NPAS3: variants seen among roughly 807,000 people sequenced by gnomAD.
The protein encoded by NPAS3 is neuronal PAS domain-containing protein 3.
A neutral mutation model predicts 73.1 loss-of-function variants in NPAS3; 14 were observed. The observed-to-expected ratio is 0.19, with a 90% CI of 0.13 to 0.30. The LOEUF (loss-of-function observed/expected upper bound fraction) is 0.30. Among genes scored for constraint, NPAS3 ranks in the 10% least tolerant of loss-of-function variants. The probability of loss-of-function intolerance (pLI) is 1.00; values close to 1 mark genes in which losing one functional copy is unlikely to be tolerated. For synonymous variants in NPAS3, 620 were observed against 541.5 expected (o/e 1.14, Z -2.01); for missense variants, 1,096 against 1,250.0 (o/e 0.88, Z 1.86).
At chr14:33,090,177 T>G (rs566570837) in intron 2 of NPAS3, among the ~76,000 whole-genome samples, 3 of 152,324 alleles carry the variant, frequency 2.0e-5, no homozygotes, top group East Asian at 3.9e-4. Context: ...ATGGACTAAA[T>G]GCTCCAGTTA....
intron 5 of NPAS3, among the ~76,000 whole-genome samples, chr14:33,655,524 A>T (rs2059120763): frequency 6.6e-6 from 1 of 152,174 alleles, no homozygotes; most frequent in South Asian, 2.1e-4. Context: ...TATATGAAAA[A>T]CAAAATATAT....
chr14:33,678,734 T>C (rs1172289909), intron 6 of NPAS3, among the ~76,000 whole-genome samples: 3 of 140,818 alleles, frequency 2.1e-5, no homozygotes, highest in African/African-American at 8.2e-5. Flanking sequence ...CAAATACATG[T>C]TGACAGTGAG....
In NPAS3 at chr14:32,967,263, T is replaced by A. The variant is rs1031280550; in HGVS notation, c.50+27897T>A. 2.6e-5 allele frequency among the ~76,000 whole-genome samples: 4 copies of A among 152,250 alleles called. No homozygotes were observed. The East Asian group carries it at 7.7e-4, about 29-fold the overall frequency. ...CTTGTTCTTAGGATATTCTTAATAA[T>A]GTTTTCTCTTGCTTACTTTATTATA... is the stretch of plus-strand genomic sequence containing the variant. On this transcript the variant is annotated intron_variant, in intron 1 of 11. Transcript: ENST00000356141.
At chr14:33,504,124 T>C (rs1043661866) in intron 4 of NPAS3, among the ~76,000 whole-genome samples, 3 of 151,966 alleles carry the variant, frequency 2.0e-5, no homozygotes, top group African/African-American at 7.2e-5. Context: ...CTTAGAGACC[T>C]AATACTTCAA....
intron 5 of NPAS3, among the ~76,000 whole-genome samples, chr14:33,581,706 G>A (rs2056670459): frequency 6.6e-6 from 1 of 152,050 alleles, no homozygotes. Flanking sequence ...CAAGTAGCTG[G>A]GACTATAGGT....
intron 4 of NPAS3, among the ~76,000 whole-genome samples, chr14:33,549,766 A>G (rs2055021324): frequency 6.6e-6 from 1 of 152,144 alleles, no homozygotes; most frequent in South Asian, 2.1e-4. Flanking sequence ...TTAGTTAGTT[A>G]TACTTACCTT....
chr14:33,263,636 G>GT (rs1198530318), intron 3 of NPAS3, among the ~76,000 whole-genome samples: 22 of 152,002 alleles, frequency 1.4e-4, no homozygotes, highest in Non-Finnish European at 3.1e-4. Context: ...CTTTAAAGTA[G>GT]TTTTTTTCCA....
chr14:33,182,354 A>G (rs1306749281), intron 2 of NPAS3, among the ~76,000 whole-genome samples: 1 of 152,130 alleles, frequency 6.6e-6, no homozygotes, highest in African/African-American at 2.4e-5. Context: ...GCACCTCTCT[A>G]TTGCCTTTGT....
At chr14:33,630,785 C>T in intron 5 of NPAS3, among the ~76,000 whole-genome samples, 1 of 152,152 alleles carries the variant, frequency 6.6e-6, no homozygotes, top group East Asian at 1.9e-4. Flanking sequence ...ATATTCAAGG[C>T]TTTCTCCCAA....
chr14:32,953,047 G>A (rs2036542808), intron 1 of NPAS3, among the ~76,000 whole-genome samples: 1 of 151,390 alleles, frequency 6.6e-6, no homozygotes, highest in Admixed American at 6.6e-5. Context: ...CTCCAGCCTG[G>A]GCAACAGAGT....
intron 3 of NPAS3, among the ~76,000 whole-genome samples, chr14:33,305,725 G>A (rs2042728949): frequency 6.6e-6 from 1 of 152,090 alleles, no homozygotes; most frequent in African/African-American, 2.4e-5. Flanking sequence ...GTCTACCAAA[G>A]GTTACAGAAT....
At chr14:33,782,570 G>C (rs2063010003) in intron 9 of NPAS3, among the ~76,000 whole-genome samples, 1 of 152,092 alleles carries the variant, frequency 6.6e-6, no homozygotes, top group African/African-American at 2.4e-5. Context: ...GTGGCCTAGG[G>C]GAAAACTTCC....
intron 4 of NPAS3, among the ~76,000 whole-genome samples, chr14:33,430,650 C>G (rs1450355967): frequency 6.6e-6 from 1 of 152,184 alleles, no homozygotes; most frequent in African/African-American, 2.4e-5. Flanking sequence ...AGCCAGGCAA[C>G]AGAACTGGCA....
intron 1 of NPAS3, among the ~76,000 whole-genome samples, chr14:32,989,128 G>A (rs2038212113): frequency 6.6e-6 from 1 of 152,204 alleles, no homozygotes; most frequent in Admixed American, 6.5e-5. Context: ...GCATAGAGCT[G>A]GGCTACCAGT....
intron 3 of NPAS3, among the ~76,000 whole-genome samples, chr14:33,245,068 T>C (rs950733508): frequency 1.3e-5 from 2 of 152,182 alleles, no homozygotes; most frequent in African/African-American, 4.8e-5. Flanking sequence ...AAGGCTTTTA[T>C]GGGAAGGATA....
At chr14:33,707,182 A>G (rs1011670417) in intron 6 of NPAS3, among the ~76,000 whole-genome samples, 17 of 152,238 alleles carry the variant, frequency 1.1e-4, no homozygotes, top group African/African-American at 4.1e-4. Flanking sequence ...TCTAAGGAGC[A>G]GAGGAGTTGA....
At chr14:33,204,136 T>A (rs2046732519) in intron 2 of NPAS3, among the ~76,000 whole-genome samples, 1 of 152,178 alleles carries the variant, frequency 6.6e-6, no homozygotes, top group Non-Finnish European at 1.5e-5. Context: ...TTTTTAAACG[T>A]GTGTAGGGTC....
At chr14:33,750,245 T>A (rs1234893503) in intron 7 of NPAS3, among the ~76,000 whole-genome samples, 1 of 152,068 alleles carries the variant, frequency 6.6e-6, no homozygotes, top group South Asian at 2.1e-4. Flanking sequence ...GCATCATTAG[T>A]ACTCTGTCAT....
chr14:33,131,706 G>A (rs1182918171), intron 2 of NPAS3, among the ~76,000 whole-genome samples: 1 of 152,108 alleles, frequency 6.6e-6, no homozygotes, highest in East Asian at 1.9e-4. Flanking sequence ...CCCACACAGA[G>A]GAATGTAAGT....
Sources: allele counts gnomAD v4.1 joint callset (sites outside exome capture counted in the v4.1 genomes callset), GRCh38; gene constraint gnomAD v4.1.1; transcripts MANE v1.5; gene names NCBI Gene and HGNC (gene_info 2026-07-23, HGNC 2026-07-21).